LPP: variants seen among roughly 807,000 people sequenced by gnomAD.
LPP encodes lipoma-preferred partner.
Under a neutral mutation model 60.4 loss-of-function variants are expected in LPP, and 38 were observed. The ratio of observed to expected loss-of-function variants is 0.63; its 90% CI spans 0.49 to 0.83. The LOEUF (loss-of-function observed/expected upper bound fraction) is 0.83. LPP is among the 40% of genes least tolerant of loss of function. The pLI is 0.00. For synonymous variants in LPP, 328 were observed against 290.8 expected (o/e 1.13, Z -1.30); for missense variants, 902 against 783.6 (o/e 1.15, Z -1.80).
At chr3:188,303,334 G>A (rs568929524) in intron 2 of LPP, among the ~76,000 whole-genome samples, 2 of 152,320 alleles carry the variant, frequency 1.3e-5, no homozygotes, top group Admixed American at 6.5e-5. Flanking sequence ...GTACTAAAAT[G>A]TCCCTGAAAA....
intron 9 of LPP, among the ~76,000 whole-genome samples, chr3:188,817,682 G>A (rs1392148478): frequency 2.0e-5 from 3 of 152,156 alleles, no homozygotes; most frequent in African/African-American, 7.2e-5. Flanking sequence ...GGATGGAGAG[G>A]AGACCTGTTT....
At position 188,427,166 on chromosome 3, in the gene LPP, A is replaced by G. The variant is rs532318038; in HGVS notation, c.193+20853A>G. Among the ~76,000 whole-genome samples, 151 of 152,316 alleles carry G rather than the reference A, an allele frequency of 9.9e-4. 1 individual carries two copies. The highest frequency in any genetic ancestry group is 1.2e-4 in the Non-Finnish European group (8 of 68,024). ...AGGCCTTGTGTTGAGAAAACCTCTC[A>G]GTGTTTACTTATATGTAAAGGATTT... is the stretch of plus-strand genomic sequence containing the variant. On this transcript the variant is annotated intron_variant, in intron 4 of 11. Coordinates refer to ENST00000617246, the MANE Select transcript of LPP (RefSeq NM_001375462.1).
chr3:188,628,484 C>T (rs560004469), intron 7 of LPP, among the ~76,000 whole-genome samples: 1 of 151,980 alleles, frequency 6.6e-6, no homozygotes, highest in Admixed American at 6.6e-5. Context: ...TGCAGACATA[C>T]ATTAGAAAAC....
At chr3:188,595,265 C>A (rs1839767519) in intron 6 of LPP, among the ~76,000 whole-genome samples, 2 of 146,092 alleles carry the variant, frequency 1.4e-5, no homozygotes, top group Admixed American at 6.9e-5. Flanking sequence ...AAATTGTGTC[C>A]CAAAGAATAT....
intron 1 of LPP, among the ~76,000 whole-genome samples, chr3:188,191,007 G>A (rs1728016208): frequency 6.6e-6 from 1 of 152,220 alleles, no homozygotes; most frequent in Non-Finnish European, 1.5e-5. Flanking sequence ...CGAGGCAGGT[G>A]GATCACGAGG....
rs1000481639 is a variant in LPP at position 188,496,330 on chromosome 3, T to C, written c.306+11626T>C. 2.1e-4 allele frequency among the ~76,000 whole-genome samples: 32 copies of C among 152,336 alleles called. 1 individual carries two copies. Among genetic ancestry groups the C allele is most frequent in the South Asian group, 4.1e-4 (2 of 4,834 alleles). ...TTTTAGTAGAGACAAGGTTTCACCATGTTGGCCAGGCTGGTCTCGAACACC... is the reference window on the plus strand; with the variant it reads ...TTTTAGTAGAGACAAGGTTTCACCACGTTGGCCAGGCTGGTCTCGAACACC... On this transcript the variant is annotated intron_variant, in intron 5 of 11. Transcript: ENST00000617246.
upstream of LPP, chr3:188,153,607 GC>G (rs1715132482): frequency 6.6e-6 from 1 of 152,374 alleles, no homozygotes; most frequent in African/African-American, 2.4e-5. Flanking sequence ...TCCTTTGCAA[GC>G]TCCCTGCATT....
chr3:188,514,524 C>T lies in LPP; in HGVS notation c.307-10141C>T, dbSNP rs977916957. On this transcript the variant is annotated intron_variant, in intron 5 of 11. Coordinates refer to ENST00000617246, the MANE Select transcript of LPP (RefSeq NM_001375462.1). ...AGATCTTGGCTCACTGCAACCTCTA[C>T]CTCCCGGGTGGGTTCAAGTAATTTT... is the stretch of plus-strand genomic sequence containing the variant. 5.3e-5 allele frequency among the ~76,000 whole-genome samples: 8 copies of T among 152,130 alleles called. No homozygotes were observed. In the East Asian group the frequency reaches 1.4e-3, roughly 26 times the overall value.
chr3:188,662,080 G>A (rs543593594), intron 7 of LPP, among the ~76,000 whole-genome samples: 119 of 152,316 alleles, frequency 7.8e-4, no homozygotes, highest in Non-Finnish European at 1.5e-3. Context: ...ACTCAATCCT[G>A]TCCTTATGTG....
intron 9 of LPP, among the ~76,000 whole-genome samples, chr3:188,813,941 G>A (rs1301048869): frequency 6.6e-6 from 1 of 152,066 alleles, no homozygotes; most frequent in African/African-American, 2.4e-5. Flanking sequence ...GTATGGTGGT[G>A]CACGCCTGTA....
chr3:188,860,039 A>G (rs1314549758), intron 9 of LPP, among the ~76,000 whole-genome samples: 1 of 152,118 alleles, frequency 6.6e-6, no homozygotes, highest in African/African-American at 2.4e-5. Context: ...ACTTAGATTA[A>G]GATATAGACA....
chr3:188,702,031 C>A (rs911230416), intron 7 of LPP, among the ~76,000 whole-genome samples: 28 of 144,192 alleles, frequency 1.9e-4, no homozygotes, highest in African/African-American at 7.0e-4. Flanking sequence ...CTCACTGCAA[C>A]CTCTGCCTCC....
At chr3:188,707,174 C>A (rs1245733103) in intron 7 of LPP, among the ~76,000 whole-genome samples, 1 of 151,356 alleles carries the variant, frequency 6.6e-6, no homozygotes, top group Non-Finnish European at 1.5e-5. Context: ...TTTTTTACTG[C>A]AGTATGTTTT....
intron 2 of LPP, among the ~76,000 whole-genome samples, chr3:188,340,864 C>A (rs1283872106): frequency 6.6e-6 from 1 of 152,096 alleles, no homozygotes; most frequent in Non-Finnish European, 1.5e-5. Context: ...ATAATGTTAT[C>A]TTTTGATCAT....
At chr3:188,625,739 AC>A (rs1846717409) in intron 7 of LPP, among the ~76,000 whole-genome samples, 1 of 152,152 alleles carries the variant, frequency 6.6e-6, no homozygotes, top group Non-Finnish European at 1.5e-5. Context: ...TGAATAAGAG[AC>A]CTGGACTAAT....
intron 7 of LPP, among the ~76,000 whole-genome samples, chr3:188,620,101 T>G (rs1329659008): frequency 6.6e-6 from 1 of 152,158 alleles, no homozygotes; most frequent in Non-Finnish European, 1.5e-5. Context: ...TGCACCTCAT[T>G]CAGTATTTTT....
chr3:188,398,945 A>C (rs1781592909), intron 3 of LPP, among the ~76,000 whole-genome samples: 1 of 152,236 alleles, frequency 6.6e-6, no homozygotes, highest in African/African-American at 2.4e-5. Flanking sequence ...TTCCTCACTG[A>C]TGAGCAAAGA....
intron 6 of LPP, among the ~76,000 whole-genome samples, chr3:188,564,564 C>G (rs367659678): frequency 6.6e-6 from 1 of 151,888 alleles, no homozygotes; most frequent in Non-Finnish European, 1.5e-5. Context: ...ATAAAGAAAT[C>G]GTTTCTTGGG....
intron 3 of LPP, among the ~76,000 whole-genome samples, chr3:188,379,556 G>T (rs904762025): frequency 6.6e-6 from 1 of 152,070 alleles, no homozygotes; most frequent in East Asian, 1.9e-4. Context: ...ACACATAGTG[G>T]TCGTTTCTTA....
Sources: gnomAD v4.1 joint callset for allele counts (sites outside exome capture counted in the v4.1 genomes callset) on GRCh38, gnomAD v4.1.1 for gene constraint, MANE v1.5 for transcripts, NCBI Gene and HGNC (gene_info 2026-07-23, HGNC 2026-07-21) for gene names.